IL1RAPL1: variants seen among roughly 807,000 people sequenced by gnomAD.
The protein encoded by IL1RAPL1 is interleukin-1 receptor accessory protein-like 1.
IL1RAPL1 carries 3 observed loss-of-function variants against 48.4 expected under a neutral mutation model. The ratio of observed to expected loss-of-function variants is 0.06; its 90% CI spans 0.03 to 0.16. The LOEUF (loss-of-function observed/expected upper bound fraction) is 0.16, where lower values mean the gene tolerates loss of function less well. IL1RAPL1 is among the 10% of genes least tolerant of loss of function. The pLI is 1.00. For synonymous variants in IL1RAPL1, 185 were observed against 187.7 expected (o/e 0.99, Z 0.12); for missense variants, 349 against 530.6 (o/e 0.66, Z 3.36).
chrX:29,634,293 G>A (rs147175681), intron 5 of IL1RAPL1, among the ~76,000 whole-genome samples: 15,096 of 110,810 alleles, frequency 0.14, 1,140 homozygotes, highest in African/African-American at 0.28. Context: ...TTAGATCAAT[G>A]TCCCCACTCT....
At chrX:29,294,689 G>T (rs1008779565) in intron 3 of IL1RAPL1, among the ~76,000 whole-genome samples, 1 of 111,027 alleles carries the variant, frequency 9.0e-6, no homozygotes, top group Non-Finnish European at 1.9e-5. Context: ...GACAGGTGGT[G>T]GGACGGATTT....
chrX:29,071,087 G>T (rs965310271), intron 2 of IL1RAPL1, among the ~76,000 whole-genome samples: 2 of 111,769 alleles, frequency 1.8e-5, no homozygotes, highest in African/African-American at 6.5e-5. Flanking sequence ...GATTGAAAAA[G>T]AAATAATTAT....
chrX:29,453,149 C>T (rs2147728214), intron 5 of IL1RAPL1, among the ~76,000 whole-genome samples: 1 of 109,230 alleles, frequency 9.2e-6, no homozygotes, highest in East Asian at 2.9e-4. Context: ...TGGTCTCGAA[C>T]TCCTGACCTC....
At chrX:29,563,173 G>C (rs1237301852) in intron 5 of IL1RAPL1, among the ~76,000 whole-genome samples, 5 of 108,434 alleles carry the variant, frequency 4.6e-5, no homozygotes, top group Non-Finnish European at 9.7e-5. Flanking sequence ...GATTCAGATA[G>C]TTAAATTATT....
At chrX:29,407,739 G>A (rs1051671622) in intron 5 of IL1RAPL1, among the ~76,000 whole-genome samples, 13 of 111,710 alleles carry the variant, frequency 1.2e-4, no homozygotes, top group African/African-American at 2.0e-4. Flanking sequence ...GGTCATGGGC[G>A]TATCCTAACC....
At chrX:29,266,870 T>G (rs1371776228) in intron 2 of IL1RAPL1, among the ~76,000 whole-genome samples, 1 of 111,729 alleles carries the variant, frequency 9.0e-6, no homozygotes, top group Non-Finnish European at 1.9e-5. Flanking sequence ...AGCCTTTTGT[T>G]TATACTCAGA....
At chrX:28,970,493 A>G (rs1925043762) in intron 2 of IL1RAPL1, among the ~76,000 whole-genome samples, 1 of 112,159 alleles carries the variant, frequency 8.9e-6, no homozygotes, top group Non-Finnish European at 1.9e-5. Context: ...ATACTAGAAG[A>G]AATAAGTTCC....
chrX:29,395,495 C>A (rs1933909652), intron 3 of IL1RAPL1, among the ~76,000 whole-genome samples: 1 of 111,357 alleles, frequency 9.0e-6, no homozygotes, highest in South Asian at 3.8e-4. Flanking sequence ...GGATTTATAG[C>A]CTCACTTATT....
chrX:29,129,153 C>T (rs1928963238), intron 2 of IL1RAPL1, among the ~76,000 whole-genome samples: 3 of 106,580 alleles, frequency 2.8e-5, no homozygotes, highest in African/African-American at 6.9e-5. Context: ...AAGAAATTCT[C>T]CTGCCTCAGC....
At chrX:29,917,263 C>G (rs1406858812) in intron 6 of IL1RAPL1, among the ~76,000 whole-genome samples, 1 of 112,408 alleles carries the variant, frequency 8.9e-6, no homozygotes, top group Non-Finnish European at 1.9e-5. Flanking sequence ...ACAAGTAACT[C>G]ACATTCCATT....
chrX:29,341,034 T>C (rs1933066364), intron 3 of IL1RAPL1, among the ~76,000 whole-genome samples: 1 of 112,396 alleles, frequency 8.9e-6, no homozygotes, highest in East Asian at 2.8e-4. Context: ...AAATGTCCAC[T>C]GAAATCAATG....
chrX:29,399,047 TA>T (rs1276132140), intron 4 of IL1RAPL1, 107 bp from the exon 5 acceptor site: 1 of 565,163 alleles, frequency 1.8e-6, no homozygotes, highest in Non-Finnish European at 2.9e-6. Context: ...TCAAACTTTT[TA>T]GTCCCTTTAA....
At chrX:29,162,062 A>G (rs1929695956) in intron 2 of IL1RAPL1, among the ~76,000 whole-genome samples, 1 of 112,013 alleles carries the variant, frequency 8.9e-6, no homozygotes, top group African/African-American at 3.2e-5. Context: ...TTGCAGGGAA[A>G]TGGATGAAGC....
At chrX:29,139,342 A>G (rs763029754) in intron 2 of IL1RAPL1, among the ~76,000 whole-genome samples, 4 of 94,682 alleles carry the variant, frequency 4.2e-5, no homozygotes, top group African/African-American at 1.8e-4. Context: ...AAAATAATGG[A>G]AAAGGGTAAA....
chrX:29,878,772 A>G (rs1490675689), intron 6 of IL1RAPL1, among the ~76,000 whole-genome samples: 1 of 112,222 alleles, frequency 8.9e-6, no homozygotes, highest in East Asian at 2.8e-4. Flanking sequence ...TATATCAGTT[A>G]CATAAGAGGG....
chrX:29,597,409 T>A (rs1209249098), intron 5 of IL1RAPL1, among the ~76,000 whole-genome samples: 3 of 111,601 alleles, frequency 2.7e-5, no homozygotes, highest in Non-Finnish European at 5.7e-5. Context: ...CGCCTCGGCC[T>A]CTCAAAGTGC....
At chrX:28,797,933 C>T (rs983104351) in intron 2 of IL1RAPL1, among the ~76,000 whole-genome samples, 10 of 111,992 alleles carry the variant, frequency 8.9e-5, no homozygotes, top group African/African-American at 2.9e-4. Context: ...GCCTCACAAT[C>T]GTGGTGGAAG....
intron 2 of IL1RAPL1, among the ~76,000 whole-genome samples, chrX:28,972,765 C>CA (rs1268643964): frequency 1.8e-5 from 2 of 110,332 alleles, no homozygotes; most frequent in East Asian, 5.7e-4. Context: ...ACATCAACAA[C>CA]AAAAAAACAA....
At chrX:28,974,739 C>G (rs936609257) in intron 2 of IL1RAPL1, among the ~76,000 whole-genome samples, 2 of 111,828 alleles carry the variant, frequency 1.8e-5, no homozygotes, top group African/African-American at 6.5e-5. Context: ...AAATGGCCAG[C>G]TCAGTCCTGG....
Sources: gnomAD v4.1 joint callset for allele counts (sites outside exome capture counted in the v4.1 genomes callset) on GRCh38, gnomAD v4.1.1 for gene constraint, MANE v1.5 for transcripts, NCBI Gene and HGNC (gene_info 2026-07-23, HGNC 2026-07-21) for gene names.